The following DHRSX variants were observed in gnomAD, a reference collection of about 807,000 sequenced individuals.
The protein encoded by DHRSX is dehydrogenase/reductase X-linked.
A neutral mutation model predicts 34.0 loss-of-function variants in DHRSX; 31 were observed. The ratio of observed to expected loss-of-function variants is 0.91; its 90% confidence interval spans 0.69 to 1.23. The LOEUF (loss-of-function observed/expected upper bound fraction) is 1.23, where lower values mean the gene tolerates loss of function less well. Among genes scored for constraint, DHRSX ranks in the 50% most tolerant of loss-of-function variants. DHRSX has a pLI of 0.00. For synonymous variants in DHRSX, 201 were observed against 183.8 expected (o/e 1.09, Z -0.76); for missense variants, 414 against 428.1 (o/e 0.97, Z 0.29).
chrX:2,307,873 G>C (rs1359545735), intron 3 of DHRSX, among the ~76,000 whole-genome samples: 1 of 151,856 alleles, frequency 6.6e-6, no homozygotes, highest in Admixed American at 6.6e-5. Context: ...GGTGATCTGC[G>C]CATAGGACAC....
chrX:2,304,219 G>A (rs866924747), intron 3 of DHRSX, among the ~76,000 whole-genome samples: 52 of 132,346 alleles, frequency 3.9e-4, no homozygotes, highest in African/African-American at 1.4e-3. Context: ...ATGGATGGAT[G>A]GATGGATGGA....
At chrX:2,427,798 T>A (rs973829816) in intron 1 of DHRSX, among the ~76,000 whole-genome samples, 26 of 152,124 alleles carry the variant, frequency 1.7e-4, no homozygotes, top group African/African-American at 6.0e-4. Context: ...CTTTTTCAAG[T>A]TAGGAGATTA....
chrX:2,309,035 GATAAT>G (rs1461695826), intron 3 of DHRSX, among the ~76,000 whole-genome samples: 9 of 152,216 alleles, frequency 5.9e-5, no homozygotes, highest in East Asian at 1.9e-4. Flanking sequence ...TTAGTATCCT[GATAAT>G]ATGTTACATT....
At chrX:2,256,516 G>A (rs1390434077) in intron 5 of DHRSX, among the ~76,000 whole-genome samples, 3 of 151,830 alleles carry the variant, frequency 2.0e-5, no homozygotes, top group African/African-American at 4.8e-5. Context: ...GGCTGGTCTC[G>A]AACTCCTGAC....
chrX:2,396,684 C>T (rs2043415252), intron 3 of DHRSX, among the ~76,000 whole-genome samples: 1 of 151,858 alleles, frequency 6.6e-6, no homozygotes, highest in Admixed American at 6.6e-5. Context: ...ATCCTTCCTG[C>T]CTCTTCCAGC....
intron 5 of DHRSX, among the ~76,000 whole-genome samples, chrX:2,248,574 T>C (rs181113830): frequency 2.3e-4 from 31 of 133,844 alleles, no homozygotes; most frequent in Admixed American, 6.6e-4. Context: ...GATTGCGCCA[T>C]TGCACTCCAG....
intron 3 of DHRSX, among the ~76,000 whole-genome samples, chrX:2,309,142 A>G (rs1174650013): frequency 2.0e-5 from 3 of 152,168 alleles, no homozygotes; most frequent in African/African-American, 7.2e-5. Context: ...TAATCAGACC[A>G]ATAGCTATAA....
At chrX:2,362,530 A>G (rs1040566186) in intron 3 of DHRSX, among the ~76,000 whole-genome samples, 1 of 152,116 alleles carries the variant, frequency 6.6e-6, no homozygotes, top group Non-Finnish European at 1.5e-5. Flanking sequence ...CGAAATCCTG[A>G]CCTCGTGATC....
chrX:2,436,583 TC>T (rs1259412251), intron 1 of DHRSX, among the ~76,000 whole-genome samples: 3 of 151,074 alleles, frequency 2.0e-5, no homozygotes, highest in Admixed American at 1.3e-4. Context: ...AGCCTCAAAC[TC>T]CCAGACTTAA....
intron 6 of DHRSX, among the ~76,000 whole-genome samples, chrX:2,232,746 G>A (rs2015925369): frequency 6.6e-6 from 1 of 151,888 alleles, no homozygotes; most frequent in African/African-American, 2.4e-5. Flanking sequence ...CTAATTTTTT[G>A]TATTTTTAGT....
intron 3 of DHRSX, among the ~76,000 whole-genome samples, chrX:2,388,204 T>C (rs2043294410): frequency 6.6e-6 from 1 of 152,148 alleles, no homozygotes; most frequent in African/African-American, 2.4e-5. Context: ...GCCAGCTTGC[T>C]GGGGGTTGCA....
At chrX:2,471,564 C>CA (rs772245590) in intron 1 of DHRSX, among the ~76,000 whole-genome samples, 29,091 of 125,882 alleles carry the variant, frequency 0.23, 3,888 homozygotes, top group African/African-American at 0.42. Context: ...AACTCCATCT[C>CA]AAAAAAAAAA....
chrX:2,490,038 T>C (rs771083708), intron 1 of DHRSX: 11 of 1,613,792 alleles, frequency 6.8e-6, no homozygotes, highest in Non-Finnish European at 9.3e-6. Context: ...CGGGAGCCCA[T>C]GGACAGGCAG....
intron 2 of DHRSX, among the ~76,000 whole-genome samples, chrX:2,415,735 T>C (rs187844022): frequency 1.3e-5 from 2 of 150,116 alleles, no homozygotes; most frequent in Admixed American, 6.7e-5. Flanking sequence ...CCAACCCAAA[T>C]AGACCTCATC....
At chrX:2,239,873 G>C (rs1314252337) in intron 6 of DHRSX, among the ~76,000 whole-genome samples, 1 of 152,204 alleles carries the variant, frequency 6.6e-6, no homozygotes, top group African/African-American at 2.4e-5. Context: ...AGGATGAAAT[G>C]TATCCTAGTG....
chrX:2,301,551 G>A (rs2042009564), intron 3 of DHRSX, among the ~76,000 whole-genome samples: 1 of 152,232 alleles, frequency 6.6e-6, no homozygotes, highest in African/African-American at 2.4e-5. Context: ...AGAGGGATGG[G>A]CCATGACATG....
chrX:2,466,325 C>T (rs775327669), intron 1 of DHRSX, among the ~76,000 whole-genome samples: 21 of 152,234 alleles, frequency 1.4e-4, no homozygotes, highest in Admixed American at 6.5e-4. Flanking sequence ...GTAATCTCAA[C>T]GACTCAGTAG....
intron 3 of DHRSX, among the ~76,000 whole-genome samples, chrX:2,310,528 CTG>C (rs34128259): frequency 2.5e-4 from 38 of 149,338 alleles, no homozygotes; most frequent in African/African-American, 8.9e-4. Flanking sequence ...CGAGATTATT[CTG>C]TGTGTGTGTG....
At chrX:2,462,379 A>T (rs1186713282) in intron 1 of DHRSX, among the ~76,000 whole-genome samples, 3 of 152,108 alleles carry the variant, frequency 2.0e-5, no homozygotes, top group African/African-American at 7.2e-5. Context: ...AAGAGCAATA[A>T]TATTTCTTGA....
Sources: allele counts gnomAD v4.1 joint callset (sites outside exome capture counted in the v4.1 genomes callset), GRCh38; gene constraint gnomAD v4.1.1; transcripts MANE v1.5; gene names NCBI Gene and HGNC (gene_info 2026-07-23, HGNC 2026-07-21).